The following SVEP1 variants were observed in gnomAD, a reference collection of about 807,000 sequenced individuals.
SVEP1 encodes sushi, von Willebrand factor type A, EGF and pentraxin domain containing 1, also known as sushi, von Willebrand factor type A, EGF and pentraxin domain-containing protein 1.
Under a neutral mutation model 367.3 loss-of-function variants are expected in SVEP1, and 164 were observed. The ratio of observed to expected loss-of-function variants is 0.45; its 90% CI spans 0.39 to 0.51. The LOEUF (loss-of-function observed/expected upper bound fraction) is 0.51, where lower values mean the gene tolerates loss of function less well. Ranked by LOEUF, SVEP1 falls within the 20% of genes least tolerant of loss-of-function variation. The probability of loss-of-function intolerance (pLI) is 0.00; values close to 1 mark genes in which losing one functional copy is unlikely to be tolerated. For missense variants in SVEP1, 4,117 were observed against 4,425.3 expected, an observed-to-expected ratio of 0.93 and a Z score of 1.98; for synonymous variants, 1,666 against 1,611.6, an observed-to-expected ratio of 1.03 and a Z score of -0.81.
At position 110,372,410 on chromosome 9, in the gene SVEP1, G is replaced by A. The variant is rs913644396; in HGVS notation, c.10601-2394C>T. On this transcript the variant is annotated intron_variant, in intron 46 of 47. Transcript: ENST00000374469. ...TGGTTGTGGTATGCTTAGTACTTAG[G>A]GGTGTAACTATGCTGAGGTAGCTGC... 7.9e-5 allele frequency among the ~76,000 whole-genome samples: 12 copies of A among 152,280 alleles called. No homozygotes were observed. The Middle Eastern group carries it at 0.01, about 129-fold the overall frequency.
At chr9:110,534,360 A>T (rs1176904080) in intron 3 of SVEP1, among the ~76,000 whole-genome samples, 1 of 152,136 alleles carries the variant, frequency 6.6e-6, no homozygotes, top group Non-Finnish European at 1.5e-5. Flanking sequence ...ACATGATCTC[A>T]TTCCTTTTCA....
chr9:110,392,535 C>T (rs1827680625), intron 40 of SVEP1, among the ~76,000 whole-genome samples: 2 of 152,078 alleles, frequency 1.3e-5, no homozygotes, highest in Admixed American at 1.3e-4. Context: ...CATGGATGAT[C>T]ATAACTTAAA....
chr9:110,489,318 C>A (rs1037462296), intron 9 of SVEP1, among the ~76,000 whole-genome samples: 4 of 151,984 alleles, frequency 2.6e-5, no homozygotes, highest in Non-Finnish European at 5.9e-5. Context: ...TAAAGACATA[C>A]CCGAGACTGA....
chr9:110,463,710 AAGAG>A (rs1405552248), intron 18 of SVEP1, among the ~76,000 whole-genome samples: 1 of 151,952 alleles, frequency 6.6e-6, no homozygotes, highest in Non-Finnish European at 1.5e-5. Context: ...AGAAAGGCAA[AAGAG>A]AGAAAGAGAA....
chr9:110,447,953 C>G (rs1479671244), intron 24 of SVEP1, among the ~76,000 whole-genome samples: 2 of 122,228 alleles, frequency 1.6e-5, no homozygotes, highest in African/African-American at 3.0e-5. Flanking sequence ...AAATATCATG[C>G]TGAGTGGAAA....
chr9:110,428,295 C>T (rs1828284517), intron 35 of SVEP1, among the ~76,000 whole-genome samples: 1 of 152,064 alleles, frequency 6.6e-6, no homozygotes, highest in South Asian at 2.1e-4. Context: ...TGATAGCATG[C>T]TTTAATTCAC....
At chr9:110,392,226 T>C (rs1827669567) in intron 40 of SVEP1, among the ~76,000 whole-genome samples, 1 of 151,158 alleles carries the variant, frequency 6.6e-6, no homozygotes, top group African/African-American at 2.4e-5. Context: ...CTTATATCTC[T>C]CTAAACTTAG....
chr9:110,511,228 G>C (rs1829705834), intron 5 of SVEP1, among the ~76,000 whole-genome samples: 1 of 152,110 alleles, frequency 6.6e-6, no homozygotes, highest in South Asian at 2.1e-4. Context: ...GAATATCCAA[G>C]ATTTGGGTTG....
At chr9:110,379,570 A>T in intron 43 of SVEP1, 53 bp from the exon 44 acceptor site, 1 of 1,544,204 alleles carries the variant, frequency 6.5e-7, no homozygotes, top group Non-Finnish European at 8.9e-7. Context: ...CAGACTGAGA[A>T]CACAGTCTCA....
rs145197808 is a variant in SVEP1, at chr9:110,382,694, G to T, written c.10238-3177C>A. Among the ~76,000 whole-genome samples, 373 of 152,238 alleles carry T rather than the reference G, an allele frequency of 2.5e-3. 5 individuals are homozygous for T. The highest frequency in any genetic ancestry group is 8.4e-3 in the African/African-American group (349 of 41,530). Reference sequence around the variant, plus strand: ...GTGGTTCTATACTCATCTCTTTCAGGTACCCCGATCAATCATAGGTTCGGT... The same window carrying T: ...GTGGTTCTATACTCATCTCTTTCAGTTACCCCGATCAATCATAGGTTCGGT... On this transcript the variant is annotated intron_variant, in intron 43 of 47. Coordinates refer to ENST00000374469, the MANE Select transcript of SVEP1 (RefSeq NM_153366.4).
chr9:110,481,465 T>C, intron 11 of SVEP1, 29 bp from the exon 12 acceptor site: 1 of 1,428,352 alleles, frequency 7.0e-7, no homozygotes, highest in Non-Finnish European at 9.3e-7. Flanking sequence ...ACTATTCATA[T>C]ATAGTGGTAC....
chr9:110,387,498 C>T (rs746678073), intron 41 of SVEP1, 40 bp from the exon 42 acceptor site: 2 of 1,529,262 alleles, frequency 1.3e-6, no homozygotes, highest in South Asian at 1.3e-5. Context: ...ATTGCTTCCC[C>T]AATTCCTCTT....
At chr9:110,474,560 A>C (rs1462530126) in intron 14 of SVEP1, among the ~76,000 whole-genome samples, 1 of 152,122 alleles carries the variant, frequency 6.6e-6, no homozygotes, top group African/African-American at 2.4e-5. Context: ...CGCTCATCTC[A>C]TAGACTTGTG....
intron 3 of SVEP1, among the ~76,000 whole-genome samples, chr9:110,526,250 G>A (rs966149415): frequency 9.2e-5 from 14 of 152,072 alleles, no homozygotes; most frequent in African/African-American, 3.1e-4. Context: ...TCAACCCACA[G>A]AATGGAAGAA....
intron 30 of SVEP1, 61 bp from the exon 31 acceptor site, chr9:110,432,696 A>G: frequency 3.3e-6 from 5 of 1,529,070 alleles, no homozygotes; most frequent in Non-Finnish European, 1.8e-6. Flanking sequence ...AGAACACTTT[A>G]TTTGTATTAA....
intron 16 of SVEP1, among the ~76,000 whole-genome samples, chr9:110,470,608 G>T (rs2118666934): frequency 6.6e-6 from 1 of 151,730 alleles, no homozygotes; most frequent in East Asian, 1.9e-4. Context: ...AATTTTTGGG[G>T]TATTTTTTGT....
Position 110,479,665 on chromosome 9 carries a change from A to T in SVEP1, c.2457T>A (p.Ser819=), listed in dbSNP as rs777751409. ...CDDTDLMKKF[S]EAFETTLGKM... Reference sequence around the variant, plus strand: ...TTCCCAGGGTCGTCTCAAATGCTTCAGAAAACTTCTTCATCAGATCTGTGT... The same window carrying T: ...TTCCCAGGGTCGTCTCAAATGCTTCTGAAAACTTCTTCATCAGATCTGTGT... Residue 819 remains serine, a synonymous_variant, in exon 13 of 48, where the codon TCT becomes TCA. Coordinates refer to ENST00000374469, the MANE Select transcript of SVEP1 (RefSeq NM_153366.4). 3 of 1,610,448 alleles carry T rather than the reference A, an allele frequency of 1.9e-6. No homozygotes were observed.
chr9:110,404,273 T>G, intron 39 of SVEP1, 54 bp downstream of exon 39: 4 of 1,539,550 alleles, frequency 2.6e-6, no homozygotes, highest in Non-Finnish European at 3.6e-6. Flanking sequence ...ACTGCTTGCT[T>G]GGCAATATAT....
At position 110,492,574 on chromosome 9, in the gene SVEP1, G is replaced by A. The variant is rs193227939; in HGVS notation, c.1801-2795C>T. Among the ~76,000 whole-genome samples the A allele has an allele frequency of 1.1e-4, 16 of 152,010 alleles. No individual in the cohort carries two copies. In the East Asian group the frequency reaches 1.7e-3, roughly 17 times the overall value. On this transcript the variant is annotated intron_variant, in intron 8 of 47. Transcript: ENST00000374469. ...TAAAGCTCCTAAGAATGGAAAAATCGCCAGGAGGCTGACACAGCAGTGGCT... is the reference window on the plus strand; with the variant it reads ...TAAAGCTCCTAAGAATGGAAAAATCACCAGGAGGCTGACACAGCAGTGGCT...
Sources: allele counts gnomAD v4.1 joint callset (sites outside exome capture counted in the v4.1 genomes callset), GRCh38; gene constraint gnomAD v4.1.1; transcripts MANE v1.5; gene names NCBI Gene and HGNC (gene_info 2026-07-23, HGNC 2026-07-21).